Variants in CACNA2D3 observed in about 807,000 individuals in gnomAD.
The protein encoded by CACNA2D3 is voltage-dependent calcium channel subunit alpha-2/delta-3.
In CACNA2D3, 60 loss-of-function variants were observed where a neutral mutation model predicts 160.6. The ratio of observed to expected loss-of-function variants is 0.37; its 90% CI spans 0.30 to 0.46. The LOEUF (loss-of-function observed/expected upper bound fraction) is 0.46. Among genes scored for constraint, CACNA2D3 ranks in the 20% least tolerant of loss-of-function variants. CACNA2D3 has a pLI of 1.00. For missense variants in CACNA2D3, 1,205 were observed against 1,365.0 expected (o/e 0.88, Z 1.85); for synonymous variants, 558 against 492.9 (o/e 1.13, Z -1.75).
At chr3:55,051,780 G>C (rs973647451) in intron 35 of CACNA2D3, among the ~76,000 whole-genome samples, 3 of 152,266 alleles carry the variant, frequency 2.0e-5, no homozygotes, top group East Asian at 1.9e-4. Context: ...AGGACCCTCC[G>C]AGCCAGGTGT....
intron 2 of CACNA2D3, among the ~76,000 whole-genome samples, chr3:54,248,614 A>G (rs1328536887): frequency 1.3e-5 from 2 of 152,210 alleles, no homozygotes; most frequent in Non-Finnish European, 2.9e-5. Flanking sequence ...AGACCATGTG[A>G]GGACACAGCA....
chr3:54,467,507 G>T (rs554065783), intron 4 of CACNA2D3, among the ~76,000 whole-genome samples: 1 of 152,334 alleles, frequency 6.6e-6, no homozygotes, highest in East Asian at 1.9e-4. Context: ...CTTAGGGCAA[G>T]TTGCCTCGCC....
intron 2 of CACNA2D3, among the ~76,000 whole-genome samples, chr3:54,294,850 A>G (rs1015878018): frequency 1.2e-4 from 18 of 152,268 alleles, no homozygotes; most frequent in African/African-American, 4.3e-4. Context: ...TGGTGGCCTT[A>G]GTGGCTTCTC....
At chr3:55,014,785 G>T (rs1038998239) in intron 34 of CACNA2D3, among the ~76,000 whole-genome samples, 1 of 152,162 alleles carries the variant, frequency 6.6e-6, no homozygotes, top group Non-Finnish European at 1.5e-5. Flanking sequence ...AGCAGCCTCA[G>T]TTATTGGTTT....
At chr3:54,931,958 A>T (rs997716225) in intron 27 of CACNA2D3, among the ~76,000 whole-genome samples, 2 of 152,156 alleles carry the variant, frequency 1.3e-5, no homozygotes, top group African/African-American at 4.8e-5. Flanking sequence ...AGGTGGGTGG[A>T]TCACTTGAGT....
chr3:54,540,550 A>G (rs1701955954), intron 5 of CACNA2D3, among the ~76,000 whole-genome samples: 1 of 152,198 alleles, frequency 6.6e-6, no homozygotes, highest in Non-Finnish European at 1.5e-5. Context: ...TCATTGTTCC[A>G]TAGTATGCAT....
intron 4 of CACNA2D3, among the ~76,000 whole-genome samples, chr3:54,444,273 T>C (rs1480529445): frequency 2.6e-5 from 4 of 152,186 alleles, no homozygotes; most frequent in Non-Finnish European, 4.4e-5. Context: ...CCTTTTTTTC[T>C]AGCATCTTCC....
chr3:55,073,674 GAGAGAGAGAGTAGTTAAGA>G, intron 36 of CACNA2D3, 84 bp from the exon 37 acceptor site: 1 of 1,215,282 alleles, frequency 8.2e-7, no homozygotes, highest in South Asian at 1.3e-5. Context: ...TCCACTGTTG[GAGAGAGAGAGTAGTTAAGA>G]GAGTTGTCAT....
At position 54,781,396 on chromosome 3, in the gene CACNA2D3, A is replaced by G. The variant is rs560254510; in HGVS notation, c.1380+17045A>G. ...GGAACACTCAGAATGTGTGGGCTTG[A>G]TGGTTCTCTTATTAAGCTGGATTGC... On this transcript the variant is annotated intron_variant, in intron 13 of 37. Transcript: ENST00000474759. 4.6e-5 allele frequency among the ~76,000 whole-genome samples: 7 copies of G among 152,312 alleles called. No individual in the cohort carries two copies. The East Asian group carries it at 1.2e-3, about 25-fold the overall frequency.
intron 5 of CACNA2D3, among the ~76,000 whole-genome samples, chr3:54,541,430 C>T (rs918424614): frequency 6.6e-6 from 1 of 151,994 alleles, no homozygotes; most frequent in Admixed American, 6.5e-5. Flanking sequence ...CCAACAACCA[C>T]GAGAAGCTAG....
At chr3:55,057,591 A>C (rs1704395702) in intron 35 of CACNA2D3, among the ~76,000 whole-genome samples, 1 of 152,182 alleles carries the variant, frequency 6.6e-6, no homozygotes, top group Non-Finnish European at 1.5e-5. Flanking sequence ...TATATTGGGA[A>C]GGGATCTTAG....
At chr3:54,752,089 G>C (rs41277451) in intron 11 of CACNA2D3, among the ~76,000 whole-genome samples, 1 of 152,182 alleles carries the variant, frequency 6.6e-6, no homozygotes, top group Non-Finnish European at 1.5e-5. Context: ...CACAGGCTGT[G>C]TCTCTCATCC....
chr3:54,464,195 C>T (rs553542406), intron 4 of CACNA2D3, among the ~76,000 whole-genome samples: 7 of 152,316 alleles, frequency 4.6e-5, no homozygotes, highest in Non-Finnish European at 1.0e-4. Flanking sequence ...GGGGGTGCCT[C>T]CTAGTTAGGC....
chr3:54,627,702 G>A (rs1041815529), intron 9 of CACNA2D3, 85 bp from the exon 10 acceptor site: 55 of 806,962 alleles, frequency 6.8e-5, no homozygotes, highest in Non-Finnish European at 1.0e-4. Context: ...CATTGGTCTT[G>A]CCATGGCGTA....
At chr3:54,888,866 G>A (rs763570413) in intron 24 of CACNA2D3, among the ~76,000 whole-genome samples, 17 of 152,316 alleles carry the variant, frequency 1.1e-4, no homozygotes, top group Middle Eastern at 3.4e-3. Flanking sequence ...TCTGAGCGAG[G>A]TGTTGGGGAA....
chr3:55,064,489 AGT>A, intron 35 of CACNA2D3, among the ~76,000 whole-genome samples: 1 of 152,064 alleles, frequency 6.6e-6, no homozygotes, highest in Non-Finnish European at 1.5e-5. Flanking sequence ...GATGGAGGAG[AGT>A]GCAACTGTAC....
At chr3:54,269,154 A>C (rs993604135) in intron 2 of CACNA2D3, among the ~76,000 whole-genome samples, 1 of 152,054 alleles carries the variant, frequency 6.6e-6, no homozygotes, top group African/African-American at 2.4e-5. Context: ...CCTGGATGTG[A>C]GTGATCGGTA....
intron 17 of CACNA2D3, among the ~76,000 whole-genome samples, chr3:54,871,003 C>G (rs907817256): frequency 2.7e-5 from 4 of 150,778 alleles, no homozygotes; most frequent in African/African-American, 9.8e-5. Flanking sequence ...AGTAAGAAGC[C>G]CTTTCTCGTA....
At position 54,778,377 on chromosome 3, in the gene CACNA2D3, T is replaced by G. The variant is rs1702463073; in HGVS notation, c.1380+14026T>G. ...CATTTATAGTCTCTAGAACCAGCCCTGTATTCTCTCACACCGAGACCACTG... is the reference window on the plus strand; with the variant it reads ...CATTTATAGTCTCTAGAACCAGCCCGGTATTCTCTCACACCGAGACCACTG... On this transcript the variant is annotated intron_variant, in intron 13 of 37. Transcript: ENST00000474759. 2.6e-5 allele frequency among the ~76,000 whole-genome samples: 4 copies of G among 152,076 alleles called. No homozygotes were observed. The South Asian group carries it at 8.3e-4, about 32-fold the overall frequency.
Sources: gnomAD v4.1 joint callset for allele counts (sites outside exome capture counted in the v4.1 genomes callset) on GRCh38, gnomAD v4.1.1 for gene constraint, MANE v1.5 for transcripts, NCBI Gene and HGNC (gene_info 2026-07-23, HGNC 2026-07-21) for gene names.